Variants in STAG1 observed in about 807,000 individuals in gnomAD.
The protein encoded by STAG1 is STAG1 cohesin complex component.
STAG1 carries 26 observed loss-of-function variants against 170.9 expected under a neutral mutation model. The observed-to-expected ratio is 0.15, with a 90% CI of 0.11 to 0.21. STAG1 has a LOEUF of 0.21. Ranked by LOEUF, STAG1 falls within the 10% of genes least tolerant of loss-of-function variation. STAG1 has a pLI of 1.00. For synonymous variants in STAG1, 514 were observed against 497.7 expected, an observed-to-expected ratio of 1.03 and a Z score of -0.44; for missense variants, 964 against 1,509.5, an observed-to-expected ratio of 0.64 and a Z score of 5.99.
intron 1 of STAG1, among the ~76,000 whole-genome samples, chr3:136,749,340 G>A (rs1194233737): frequency 6.6e-6 from 1 of 152,166 alleles, no homozygotes; most frequent in Admixed American, 6.5e-5. Flanking sequence ...TGTGAACTAT[G>A]TGGCCACACG....
At chr3:136,551,246 A>AGG (rs1936381131) in intron 5 of STAG1, among the ~76,000 whole-genome samples, 1 of 145,502 alleles carries the variant, frequency 6.9e-6, no homozygotes, top group Non-Finnish European at 1.5e-5. Flanking sequence ...AGAGAGAGAG[A>AGG]GAGAGAGAGA....
chr3:136,456,419 G>C (rs560166176), intron 13 of STAG1, among the ~76,000 whole-genome samples: 3 of 152,202 alleles, frequency 2.0e-5, no homozygotes, highest in Admixed American at 2.0e-4. Context: ...ACAGAGGAAA[G>C]AATTAGTAAG....
At chr3:136,627,688 T>G (rs539754648) in intron 2 of STAG1, among the ~76,000 whole-genome samples, 8 of 152,212 alleles carry the variant, frequency 5.3e-5, no homozygotes, top group Non-Finnish European at 8.8e-5. Context: ...GTATGGAAAT[T>G]CAAACTTTGA....
chr3:136,398,836 C>A lies in STAG1; in HGVS notation c.2197-7G>T. On this transcript the variant is annotated splice_region_variant and splice_polypyrimidine_tract_variant and intron_variant, in intron 21 of 33. Transcript: ENST00000383202. ...GCAGTGCTTGCACGACTATCTGTAT[C>A]AAATGAAAAAAAATTTTTTTAATGA... is the stretch of plus-strand genomic sequence containing the variant. 1 of 1,533,628 alleles carries A rather than the reference C, an allele frequency of 6.5e-7. No homozygotes were observed. Among genetic ancestry groups the A allele is most frequent in the South Asian group, 1.3e-5 (1 of 77,156 alleles).
intron 1 of STAG1, among the ~76,000 whole-genome samples, chr3:136,701,589 C>T (rs371221640): frequency 2.6e-5 from 4 of 152,070 alleles, no homozygotes; most frequent in African/African-American, 7.2e-5. Context: ...GGTATGCCCC[C>T]CGGATGTAAA....
intron 21 of STAG1, 74 bp downstream of exon 21, chr3:136,417,811 G>C (rs1273949186): frequency 4.7e-6 from 5 of 1,073,988 alleles, no homozygotes; most frequent in Non-Finnish European, 5.7e-6. Flanking sequence ...TCTATAAAAG[G>C]CTTCTGATAA....
intron 4 of STAG1, among the ~76,000 whole-genome samples, chr3:136,593,980 G>A (rs931467870): frequency 5.3e-5 from 8 of 152,220 alleles, no homozygotes; most frequent in South Asian, 2.1e-4. Context: ...AGTATCATTT[G>A]TTTATAATTA....
At chr3:136,666,024 G>A (rs565652822) in intron 1 of STAG1, among the ~76,000 whole-genome samples, 5 of 132,506 alleles carry the variant, frequency 3.8e-5, no homozygotes, top group South Asian at 2.6e-4. Flanking sequence ...GCAGTGCGCC[G>A]AGATTGCGCC....
intron 1 of STAG1, among the ~76,000 whole-genome samples, chr3:136,634,329 C>G (rs1484233031): frequency 6.6e-6 from 1 of 151,706 alleles, no homozygotes; most frequent in African/African-American, 2.4e-5. Context: ...TACACTCCAG[C>G]CTGGGGTGAC....
intron 20 of STAG1, 139 bp from the exon 21 acceptor site, chr3:136,418,111 T>A: frequency 1.5e-6 from 1 of 659,664 alleles, no homozygotes; most frequent in Non-Finnish European, 2.6e-6. Flanking sequence ...CCCAGCACTC[T>A]GGAAGGCCGC....
intron 21 of STAG1, among the ~76,000 whole-genome samples, chr3:136,399,520 T>C (rs2108342430): frequency 6.6e-6 from 1 of 152,326 alleles, no homozygotes; most frequent in South Asian, 2.1e-4. Flanking sequence ...TCATTTAACA[T>C]TTATGTTTCA....
chr3:136,731,572 A>G, intron 1 of STAG1, among the ~76,000 whole-genome samples: 1 of 152,240 alleles, frequency 6.6e-6, no homozygotes, highest in Non-Finnish European at 1.5e-5. Flanking sequence ...AGGAGCAATA[A>G]GCCTATCAAG....
At chr3:136,680,536 G>A (rs892300247) in intron 1 of STAG1, among the ~76,000 whole-genome samples, 2 of 152,010 alleles carry the variant, frequency 1.3e-5, no homozygotes, top group South Asian at 2.1e-4. Context: ...CAGGGATTAG[G>A]GAAGGGATAC....
chr3:136,539,350 G>T (rs900421114), intron 6 of STAG1, among the ~76,000 whole-genome samples: 4 of 151,996 alleles, frequency 2.6e-5, no homozygotes, highest in Non-Finnish European at 5.9e-5. Context: ...AAGTACATAC[G>T]ATTAGACAGG....
chr3:136,584,587 C>T (rs559650816), intron 4 of STAG1, among the ~76,000 whole-genome samples: 3 of 152,252 alleles, frequency 2.0e-5, no homozygotes, highest in South Asian at 2.1e-4. Context: ...TGTTCTCTAT[C>T]CTAATTTGAG....
intron 3 of STAG1, among the ~76,000 whole-genome samples, chr3:136,613,313 C>CAGAAAAAAAA (rs1939399386): frequency 1.7e-5 from 1 of 59,758 alleles, no homozygotes; most frequent in Non-Finnish European, 2.8e-5. Context: ...GACTCCGTCT[C>CAGAAAAAAAA]AAAAAAAAAA....
At chr3:136,362,618 A>G (rs1936917748) in intron 26 of STAG1, among the ~76,000 whole-genome samples, 1 of 150,524 alleles carries the variant, frequency 6.6e-6, no homozygotes, top group African/African-American at 2.4e-5. Flanking sequence ...AAAAAAAAAA[A>G]AAAAGAAAAA....
At chr3:136,599,101 T>C (rs1216123654) in intron 4 of STAG1, among the ~76,000 whole-genome samples, 1 of 152,194 alleles carries the variant, frequency 6.6e-6, no homozygotes, top group African/African-American at 2.4e-5. Flanking sequence ...CAAAGGAATG[T>C]AAATCATTCT....
At chr3:136,435,031 C>T (rs1279726949) in intron 15 of STAG1, among the ~76,000 whole-genome samples, 2 of 152,118 alleles carry the variant, frequency 1.3e-5, no homozygotes, top group Admixed American at 6.5e-5. Flanking sequence ...TTTCACTAAT[C>T]TATTTGTATA....
Sources: allele counts gnomAD v4.1 joint callset (sites outside exome capture counted in the v4.1 genomes callset), GRCh38; gene constraint gnomAD v4.1.1; transcripts MANE v1.5; gene names NCBI Gene and HGNC (gene_info 2026-07-23, HGNC 2026-07-21).